KCTD2: variants seen among roughly 807,000 people sequenced by gnomAD.
KCTD2 encodes the protein BTB/POZ domain-containing protein KCTD2.
In KCTD2, 18 loss-of-function variants were observed where a neutral mutation model predicts 27.9. That is an observed-to-expected ratio of 0.64 (90% CI 0.45 to 0.96). The LOEUF (loss-of-function observed/expected upper bound fraction) is 0.96, where lower values mean the gene tolerates loss of function less well. Among genes scored for constraint, KCTD2 ranks in the 40% least tolerant of loss-of-function variants. The pLI is 0.00. For synonymous variants in KCTD2, 175 were observed against 148.4 expected (o/e 1.18, Z -1.30); for missense variants, 280 against 348.0 (o/e 0.80, Z 1.56).
intron 3 of KCTD2, among the ~76,000 whole-genome samples, chr17:75,038,135 T>G (rs2073121845): frequency 6.6e-6 from 1 of 152,138 alleles, no homozygotes; most frequent in African/African-American, 2.4e-5. Flanking sequence ...TCCCTTTTTT[T>G]TTAGAGGCAA....
chr17:75,050,434 T>C (rs1021432961), intron 2 of KCTD2, among the ~76,000 whole-genome samples: 1 of 152,160 alleles, frequency 6.6e-6, no homozygotes, highest in African/African-American at 2.4e-5. Context: ...ACTAATTTTT[T>C]GTATTTTTAG....
In KCTD2 at chr17:75,053,060, G is replaced by T; in HGVS notation, c.495G>T (p.Arg165=). 1 of 1,614,118 alleles carries T rather than the reference G, an allele frequency of 6.2e-7. No homozygotes were observed. The highest frequency in any genetic ancestry group is 2.2e-5 in the East Asian group (1 of 44,876). ...AEFYNIASLV[R]LVKERIRDNE... is the part of the protein sequence containing the mutation. The stretch of plus-strand genomic sequence containing the variant: ...TTTACAACATCGCGTCCCTTGTGCG[G>T]CTGGTTAAGGAAAGGATACGGGACA... Residue 165 remains arginine (R), a synonymous_variant, in exon 3 of 6, where the codon CGG becomes CGT. Coordinates refer to ENST00000322444, the MANE Select transcript of KCTD2 (RefSeq NM_015353.3).
chr17:75,035,174 C>T (rs759090280), intron 2 of KCTD2: 3 of 152,032 alleles, frequency 2.0e-5, no homozygotes, highest in Non-Finnish European at 2.9e-5. Flanking sequence ...GGTTCGAGTC[C>T]CTTCGTGGTC....
In KCTD2 at chr17:75,047,320, G is replaced by C; in HGVS notation, c.70G>C (p.Gly24Arg). 8.6e-7 allele frequency: 1 copy of C among 1,161,720 alleles called. No individual in the cohort carries two copies. Among genetic ancestry groups the C allele is most frequent in the Non-Finnish European group, 1.1e-6 (1 of 942,210 alleles). 72.0% of individuals were successfully genotyped at this position (1,161,720 alleles called of 1,614,324 possible). The change falls in exon 1 of 6, where the codon GGG becomes CGG. Residue 24 changes from glycine to arginine, a missense_variant. Coordinates refer to ENST00000322444, the MANE Select transcript of KCTD2 (RefSeq NM_015353.3). ...GGGCGGCGGGAGTGGGGTGGGCGAC[G>C]GGGGTGGCCCAGTCCGCGGGCCCCC... ...GGGGGSGVGD[G>R]GGPVRGPPSP...
In KCTD2 at chr17:75,054,142, C is replaced by T. The variant is rs190797270; in HGVS notation, c.540+1037C>T. On this transcript the variant is annotated intron_variant, in intron 3 of 5. Coordinates refer to ENST00000322444, the MANE Select transcript of KCTD2 (RefSeq NM_015353.3). ...AGGTGATTTTCCTACCTCAGCCTAC[C>T]GAGTAGCTGGGACTACAGCTGCAAG... 1.7e-3 allele frequency among the ~76,000 whole-genome samples: 255 copies of T among 151,822 alleles called. 1 individual carries two copies. The highest frequency in any genetic ancestry group is 5.6e-3 in the African/African-American group (230 of 41,410).
chr17:75,035,113 G>A (rs1388456003), intron 2 of KCTD2: 1 of 152,190 alleles, frequency 6.6e-6, no homozygotes, highest in Non-Finnish European at 1.5e-5. Context: ...TGCAGCCGGA[G>A]ACCGCGTGGC....
chr17:75,033,183 G>C (rs2040080605), intron 1 of KCTD2: 1 of 151,744 alleles, frequency 6.6e-6, no homozygotes, highest in African/African-American at 2.4e-5. Flanking sequence ...TGCCCAGGCT[G>C]GTTTTGAACT....
chr17:75,054,528 G>A (rs1249866442), intron 3 of KCTD2, among the ~76,000 whole-genome samples: 3 of 152,240 alleles, frequency 2.0e-5, no homozygotes, highest in African/African-American at 7.2e-5. Context: ...GAAGTCGGCC[G>A]GGCGCGGTGG....
chr17:75,034,080 G>C (rs1598679171), exon 2 of KCTD2: 1 of 152,222 alleles, frequency 6.6e-6, no homozygotes, highest in African/African-American at 2.4e-5. Context: ...CGTGCAACGT[G>C]TTGAGGAGGA....
chr17:75,057,900 A>G (rs1297095357), intron 3 of KCTD2, among the ~76,000 whole-genome samples: 1 of 151,932 alleles, frequency 6.6e-6, no homozygotes, highest in Non-Finnish European at 1.5e-5. Context: ...AGAAGAAAAA[A>G]TACAGCATTG....
rs1289852629 is a variant in KCTD2, at chr17:75,062,101, T to C, written c.637-19T>C. ...TTAAGATTGCCACATGAATGTTCAC[T>C]GTATTCTTGGTTCATCAGCTCATCA... On this transcript the variant is annotated intron_variant, in intron 4 of 5. Coordinates refer to ENST00000322444, the MANE Select transcript of KCTD2 (RefSeq NM_015353.3). 2 of 1,613,680 alleles carry C rather than the reference T, an allele frequency of 1.2e-6. No individual in the cohort carries two copies. Among genetic ancestry groups the C allele is most frequent in the East Asian group, 4.5e-5 (2 of 44,880 alleles).
At chr17:75,046,357 C>G (rs771820944), upstream of KCTD2, among the ~76,000 whole-genome samples, 5 of 152,222 alleles carry the variant, frequency 3.3e-5, no homozygotes, top group Non-Finnish European at 7.3e-5. Context: ...TCTGGGATTA[C>G]AGGCGTGAGC....
intron 2 of KCTD2, chr17:75,035,096 A>C (rs1251222213): frequency 6.6e-6 from 1 of 151,954 alleles, no homozygotes; most frequent in Admixed American, 6.6e-5. Context: ...CCTCTCTAGG[A>C]GGTAGCTGCA....
chr17:75,038,789 C>T (rs1369914866), intron 3 of KCTD2: 3 of 985,640 alleles, frequency 3.0e-6, no homozygotes, highest in Non-Finnish European at 2.9e-6. Context: ...TAAACAAAAA[C>T]CCCGCTGCCA....
chr17:75,062,939 G>A (rs1364577581), intron 5 of KCTD2, 79 bp from the exon 6 acceptor site: 2 of 1,461,782 alleles, frequency 1.4e-6, no homozygotes, highest in Admixed American at 1.7e-5. Flanking sequence ...GCCACTCATC[G>A]GGTCCAGTGG....
At chr17:75,041,980 A>G (rs2073165971) in intron 3 of KCTD2, 1 of 506,512 alleles carries the variant, frequency 2.0e-6, no homozygotes. Flanking sequence ...GATTAAGGCT[A>G]CACTCTACTG....
Position 75,059,495 on chromosome 17 carries a change from G to T in KCTD2, c.541-15G>T, listed in dbSNP as rs762129274. Reference sequence around the variant, plus strand: ...GTCCTTGGTGCTGTTCTCAGTCTGCGCCTGGTCATTGCAGGGCCCCGTGAA... The same window carrying T: ...GTCCTTGGTGCTGTTCTCAGTCTGCTCCTGGTCATTGCAGGGCCCCGTGAA... On this transcript the variant is annotated splice_polypyrimidine_tract_variant and intron_variant, in intron 3 of 5. Transcript: ENST00000322444. 14 of 1,603,874 alleles carry T rather than the reference G, an allele frequency of 8.7e-6. No homozygotes were observed. The East Asian group carries it at 3.1e-4, about 36-fold the overall frequency.
At chr17:75,042,180 CCTT>C (rs746722852) in intron 3 of KCTD2, 9 of 1,613,578 alleles carry the variant, frequency 5.6e-6, no homozygotes, top group Non-Finnish European at 7.6e-6. Flanking sequence ...TGAAGTCTCA[CCTT>C]CTTCTCAAAG....
chr17:75,039,228 A>G (rs1214927408), intron 3 of KCTD2: 2 of 1,614,068 alleles, frequency 1.2e-6, no homozygotes, highest in Non-Finnish European at 1.7e-6. Flanking sequence ...ATATTCTACA[A>G]TCCTGGCCTT....
Sources: allele counts gnomAD v4.1 joint callset (sites outside exome capture counted in the v4.1 genomes callset), GRCh38; gene constraint gnomAD v4.1.1; transcripts MANE v1.5; gene names NCBI Gene and HGNC (gene_info 2026-07-23, HGNC 2026-07-21).